The following JAG2 variants were observed in gnomAD, a reference collection of about 807,000 sequenced individuals.
JAG2 encodes the protein protein jagged-2.
In JAG2, 46 loss-of-function variants were observed where a neutral mutation model predicts 141.7. The observed-to-expected ratio is 0.32, with a 90% CI of 0.26 to 0.42. The LOEUF is 0.42. Ranked by LOEUF, JAG2 falls within the 10% of genes least tolerant of loss-of-function variation. JAG2 has a pLI of 1.00. For synonymous variants in JAG2, 862 were observed against 763.5 expected (o/e 1.13, Z -2.13); for missense variants, 1,500 against 1,817.5 (o/e 0.83, Z 3.18).
At chr14:105,165,500 C>T (rs1206719087) in intron 2 of JAG2, among the ~76,000 whole-genome samples, 6 of 152,202 alleles carry the variant, frequency 3.9e-5, no homozygotes, top group African/African-American at 1.4e-4. Flanking sequence ...TGTGGTCCAC[C>T]ACCTCTCCAC....
Position 105,150,978 on chromosome 14 carries a change from C to G in JAG2, c.1381+13G>C. ...CCTCGGCCCACCCGCCGGCGCCCAC[C>G]CCCCATACTGACTGATATGGCAGTT... On this transcript the variant is annotated intron_variant, in intron 10 of 25. Transcript: ENST00000331782. 1 of 1,610,380 alleles carries G rather than the reference C, an allele frequency of 6.2e-7. No individual in the cohort carries two copies. Among genetic ancestry groups the G allele is most frequent in the Non-Finnish European group, 8.5e-7 (1 of 1,178,770 alleles).
intron 3 of JAG2, among the ~76,000 whole-genome samples, chr14:105,157,241 C>T (rs377192489): frequency 1.6e-4 from 25 of 152,284 alleles, no homozygotes; most frequent in East Asian, 1.4e-3. Flanking sequence ...ACAGCCAGCC[C>T]GCTCCTGCCC....
chr14:105,143,823 G>A (rs1166991853), intron 24 of JAG2, among the ~76,000 whole-genome samples, 185 bp from the exon 25 acceptor site: 1 of 149,820 alleles, frequency 6.7e-6, no homozygotes, highest in Non-Finnish European at 1.5e-5. Context: ...GAGGAGTGGA[G>A]GGGTGGAGGC....
At position 105,148,714 on chromosome 14, in the gene JAG2, A is replaced by G. The variant is rs1482781560; in HGVS notation, c.2020+31T>C. Reference sequence around the variant, plus strand: ...AAGGGGCCCACAGGGGTGGAGGCACAGGCCGTGTGGGCGGGTGCTGGAACA... The same window carrying G: ...AAGGGGCCCACAGGGGTGGAGGCACGGGCCGTGTGGGCGGGTGCTGGAACA... On this transcript the variant is annotated intron_variant, in intron 15 of 25. Transcript: ENST00000331782. The G allele has an allele frequency of 3.3e-6, 5 of 1,508,736 alleles. No individual in the cohort carries two copies. The South Asian group carries it at 4.8e-5, about 14-fold the overall frequency. 93.5% of individuals were successfully genotyped at this position (1,508,736 alleles called of 1,614,324 possible).
rs117203029 is a variant in JAG2, at chr14:105,153,356, T to C, written c.789-1065A>G. Among the ~76,000 whole-genome samples, 272 of 152,270 alleles carry C rather than the reference T, an allele frequency of 1.8e-3. 7 individuals are homozygous for C. In the East Asian group the frequency reaches 0.043, roughly 24 times the overall value. On this transcript the variant is annotated intron_variant, in intron 5 of 25. Coordinates refer to ENST00000331782, the MANE Select transcript of JAG2 (RefSeq NM_002226.5). ...TGCACAGTGGTCCGCGTGGGTGGCCTCACATCCCGCCTAGAATCCCTCCTC... is the reference window on the plus strand; with the variant it reads ...TGCACAGTGGTCCGCGTGGGTGGCCCCACATCCCGCCTAGAATCCCTCCTC...
chr14:105,166,027 C>G (rs1452071047), intron 2 of JAG2, among the ~76,000 whole-genome samples: 1 of 152,248 alleles, frequency 6.6e-6, no homozygotes, highest in African/African-American at 2.4e-5. Context: ...GAGACCAGGG[C>G]TGCCCCCAAA....
intron 2 of JAG2, among the ~76,000 whole-genome samples, chr14:105,158,643 C>T (rs1426568680): frequency 1.3e-5 from 2 of 152,086 alleles, no homozygotes; most frequent in African/African-American, 4.8e-5. Flanking sequence ...TACTACCCAG[C>T]ACTGGGTACC....
In JAG2 at chr14:105,150,630, G is replaced by GT; in HGVS notation, c.1575_1576insA (p.Gln526ThrfsTer9). On this transcript the variant is annotated frameshift_variant, in exon 12 of 26. Coordinates refer to ENST00000331782, the MANE Select transcript of JAG2 (RefSeq NM_002226.5). LOFTEE classifies it high-confidence loss of function. ...TCACAGAGAGGCCCGGAGAAGCCCTGGGGGCAGTGGCAGTGGAAGCCGTCG... is the reference window on the plus strand; with the variant it reads ...TCACAGAGAGGCCCGGAGAAGCCCTGTGGGGCAGTGGCAGTGGAAGCCGTCG... 1.3e-6 allele frequency: 2 copies of GT among 1,549,442 alleles called. No homozygotes were observed. Among genetic ancestry groups the GT allele is most frequent in the Non-Finnish European group, 1.7e-6 (2 of 1,146,520 alleles).
chr14:105,166,504 G>C (rs1368126433), intron 2 of JAG2, among the ~76,000 whole-genome samples: 1 of 152,238 alleles, frequency 6.6e-6, no homozygotes, highest in African/African-American at 2.4e-5. Flanking sequence ...TCCCCTCTCT[G>C]GGGCCCCCCT....
Position 105,143,557 on chromosome 14 carries a change from G to T in JAG2, c.3166C>A (p.Arg1056=), listed in dbSNP as rs371312658. The T allele has an allele frequency of 6.3e-7, 1 of 1,599,538 alleles. No homozygotes were observed. Residue 1056 remains arginine (R), a synonymous_variant, in exon 25 of 26, where the codon CGG becomes AGG. Transcript: ENST00000331782. Reference sequence around the variant, plus strand: ...GCCAGGAGCAGTGAGCTGTTCCCCCGCTGGGTGATGGCGGCCACGATGGCG... The same window carrying T: ...GCCAGGAGCAGTGAGCTGTTCCCCCTCTGGGTGATGGCGGCCACGATGGCG... ...AHAIVAAITQ[R]GNSSLLLAVT...
Position 105,147,863 on chromosome 14 carries a change from G to A in JAG2, c.2274C>T (p.Asn758=), listed in dbSNP as rs750036806. Residue 758 remains asparagine (N), a synonymous_variant, in exon 18 of 26, where the codon AAC becomes AAT. Transcript: ENST00000331782. ...AVAKNSSCLP[N]PCVNGGTCVG... Reference sequence around the variant, plus strand: ...CGCAGGTGCCACCATTCACACAGGGGTTGGGCAGGCAGCTGCTGTTCTTGG... The same window carrying A: ...CGCAGGTGCCACCATTCACACAGGGATTGGGCAGGCAGCTGCTGTTCTTGG... 1.6e-5 allele frequency: 25 copies of A among 1,553,088 alleles called. No individual in the cohort carries two copies. Among genetic ancestry groups the A allele is most frequent in the Middle Eastern group, 2.2e-4 (1 of 4,588 alleles).
chr14:105,154,572 G>A lies in JAG2; in HGVS notation c.788+990C>T, dbSNP rs944112339. 1.3e-5 allele frequency among the ~76,000 whole-genome samples: 2 copies of A among 152,096 alleles called. No homozygotes were observed. Among genetic ancestry groups the A allele is most frequent in the Non-Finnish European group, 2.9e-5 (2 of 68,004 alleles). On this transcript the variant is annotated intron_variant, in intron 5 of 25. Coordinates refer to ENST00000331782, the MANE Select transcript of JAG2 (RefSeq NM_002226.5). The surrounding 1 kb of genome is among the most constrained non-coding windows in gnomAD (Gnocchi z 4.4). The stretch of plus-strand genomic sequence containing the variant: ...CATCTGGACTTGGCTGTAAGACCCC[G>A]GACACTCCCTTGTGGAGGCCCTTGC...
At chr14:105,145,294 C>T (rs1373815449) in intron 23 of JAG2, among the ~76,000 whole-genome samples, 4 of 152,218 alleles carry the variant, frequency 2.6e-5, no homozygotes, top group Non-Finnish European at 4.4e-5. Context: ...GCTCCACCTG[C>T]AGGCCAGTGG....
intron 2 of JAG2, among the ~76,000 whole-genome samples, chr14:105,164,693 T>C (rs1007184095): frequency 3.0e-4 from 45 of 152,040 alleles, no homozygotes; most frequent in African/African-American, 1.1e-3. Context: ...CCTTCCTCCC[T>C]AGGGGGCAAA....
Position 105,145,693 on chromosome 14 carries a change from G to A in JAG2, c.2952+38C>T, listed in dbSNP as rs755499555. 2.2e-5 allele frequency: 34 copies of A among 1,568,892 alleles called. 1 individual carries two copies. In the Admixed American group the frequency reaches 6.3e-4, roughly 29 times the overall value. The stretch of plus-strand genomic sequence containing the variant: ...CCATGCCACGAGCAGATGCCGGCGT[G>A]TGGCCTCTGCAAGCTCAGATGCCAC... On this transcript the variant is annotated intron_variant, in intron 23 of 25. Transcript: ENST00000331782.
chr14:105,162,944 C>T (rs992027398), intron 2 of JAG2, among the ~76,000 whole-genome samples: 4 of 151,932 alleles, frequency 2.6e-5, no homozygotes, highest in African/African-American at 7.3e-5. Flanking sequence ...CATCCCAAAA[C>T]TCAGGCAACC....
Position 105,150,653 on chromosome 14 carries a change from T to C in JAG2, c.1553A>G (p.Asp518Gly), listed in dbSNP as rs1164879706. The change falls in exon 12 of 26, where the codon GAC (aspartate) becomes GGC (glycine). Residue 518 changes from aspartate (D) to glycine (G), a missense_variant. Around this residue, in one of 3 missense-constraint regions of JAG2, gnomAD observed 875 missense variants for 1,202.2 expected, o/e 0.73. Transcript: ENST00000331782. ...HSGGLCEDLA[D>G]GFHCHCPQGF... is the part of the protein sequence containing the mutation. The stretch of plus-strand genomic sequence containing the variant: ...CTGGGGGCAGTGGCAGTGGAAGCCG[T>C]CGGCCAGGTCCTCGCAGAGGCCGCC... 6.5e-7 allele frequency: 1 copy of C among 1,549,758 alleles called. No homozygotes were observed. The highest frequency in any genetic ancestry group is 1.2e-5 in the South Asian group (1 of 84,004).
chr14:105,147,744 C>T (rs1379113378), intron 18 of JAG2, 28 bp downstream of exon 18: 4 of 1,460,356 alleles, frequency 2.7e-6, no homozygotes, highest in African/African-American at 1.4e-5. Flanking sequence ...AGGAAAGCGG[C>T]CCCCGCCCAC....
chr14:105,150,968 C>T (rs373113193), intron 10 of JAG2, 23 bp downstream of exon 10: 118 of 1,605,396 alleles, frequency 7.4e-5, no homozygotes, highest in Middle Eastern at 1.6e-4. Context: ...GCCCACCCGC[C>T]GGCGCCCACC....
Sources: allele counts gnomAD v4.1 joint callset (sites outside exome capture counted in the v4.1 genomes callset), GRCh38; gene constraint gnomAD v4.1.1; regional missense constraint gnomAD v4.1.1; non-coding constraint Gnocchi (gnomAD v3.1); transcripts MANE v1.5; gene names NCBI Gene and HGNC (gene_info 2026-07-23, HGNC 2026-07-21).